PIAS4: variants seen among roughly 807,000 people sequenced by gnomAD.
The protein encoded by PIAS4 is E3 SUMO-protein ligase PIAS4.
A neutral mutation model predicts 58.0 loss-of-function variants in PIAS4; 7 were observed. The observed-to-expected ratio is 0.12, with a 90% CI of 0.07 to 0.23. The LOEUF is 0.23. Ranked by LOEUF, PIAS4 falls within the 10% of genes least tolerant of loss-of-function variation. The pLI, the probability that PIAS4 is intolerant of heterozygous loss-of-function variation, is 1.00. For missense variants in PIAS4, 550 were observed against 709.5 expected (o/e 0.78, Z 2.55); for synonymous variants, 364 against 312.4 (o/e 1.17, Z -1.74).
Position 4,037,757 on chromosome 19 carries a change from G to T in PIAS4, c.1415G>T (p.Ser472Ile). 1 of 1,609,490 alleles carries T rather than the reference G, an allele frequency of 6.2e-7. No individual in the cohort carries two copies. The highest frequency in any genetic ancestry group is 8.5e-7 in the Non-Finnish European group (1 of 1,178,486). The stretch of plus-strand genomic sequence containing the variant: ...GATGTGGTGGACCTCACGCTGGACA[G>T]CTCATCGTCCTCGGAGGATGAGGAG... ...GADVVDLTLD[S>I]SSSSEDEEEE... Residue 472 changes from serine to isoleucine, a missense_variant, in exon 11 of 11, where the codon AGC becomes ATC. This residue lies in a region of PIAS4 where 188 missense variants were observed against 192.0 expected (regional missense o/e 0.98). Coordinates refer to ENST00000262971, the MANE Select transcript of PIAS4 (RefSeq NM_015897.4). This position sits in a 1 kb window ranked among gnomAD's most constrained non-coding sequence, Gnocchi z 5.8.
intron 7 of PIAS4, among the ~76,000 whole-genome samples, chr19:4,031,897 G>A (rs888375865): frequency 1.3e-5 from 2 of 152,206 alleles, no homozygotes; most frequent in Admixed American, 6.5e-5. Flanking sequence ...CTGCCCCTTT[G>A]CCAGGCTTGA....
In PIAS4 at chr19:4,017,459, C is replaced by T. The variant is rs1349361103; in HGVS notation, c.454+4110C>T. The stretch of plus-strand genomic sequence containing the variant: ...CTGTGCCTAGCCAGGGGCACCTGTT[C>T]CCCGCCCCTCCAGGACAGTGCCCCC... On this transcript the variant is annotated intron_variant, in intron 2 of 10. Coordinates refer to ENST00000262971, the MANE Select transcript of PIAS4 (RefSeq NM_015897.4). Among the ~76,000 whole-genome samples the T allele has an allele frequency of 2.6e-5, 4 of 152,180 alleles. No homozygotes were observed. In the East Asian group the frequency reaches 7.7e-4, roughly 29 times the overall value.
intron 3 of PIAS4, among the ~76,000 whole-genome samples, chr19:4,025,387 G>A (rs1291700276): frequency 6.6e-6 from 1 of 152,262 alleles, no homozygotes; most frequent in African/African-American, 2.4e-5. Context: ...CTCCAGCTGA[G>A]ACAGATTCCT....
intron 7 of PIAS4, among the ~76,000 whole-genome samples, chr19:4,029,929 T>G (rs2040206730): frequency 6.6e-6 from 1 of 150,970 alleles, no homozygotes; most frequent in South Asian, 2.1e-4. Flanking sequence ...TTCAAGCGAT[T>G]CTTCTGCCTC....
At chr19:4,016,999 C>G (rs369909759) in intron 2 of PIAS4, among the ~76,000 whole-genome samples, 1 of 152,144 alleles carries the variant, frequency 6.6e-6, no homozygotes, top group Non-Finnish European at 1.5e-5. Context: ...GGCAAGTGGC[C>G]GTCTGCCTTC....
chr19:4,019,950 G>C (rs1427117342), intron 2 of PIAS4, among the ~76,000 whole-genome samples: 1 of 150,528 alleles, frequency 6.6e-6, no homozygotes, highest in East Asian at 2.0e-4. Flanking sequence ...ATGGAGTCTC[G>C]CTGTCGCCCG....
At chr19:4,029,281 C>T (rs916185795) in intron 7 of PIAS4, among the ~76,000 whole-genome samples, 2 of 152,132 alleles carry the variant, frequency 1.3e-5, no homozygotes, top group Non-Finnish European at 2.9e-5. Flanking sequence ...GTGTTGCTGG[C>T]CCCAGGTGCT....
rs765784737 is a variant in PIAS4, at chr19:4,013,343, G to A, written c.448G>A (p.Glu150Lys). Residue 150 changes from glutamate to lysine, a missense_variant, in exon 2 of 11, where the codon GAA becomes AAA. Glu to Lys is a moderately conservative substitution (Grantham distance 56). This residue lies in a region of PIAS4 where 225 missense variants were observed against 345.8 expected (regional missense o/e 0.65). Coordinates refer to ENST00000262971, the MANE Select transcript of PIAS4 (RefSeq NM_015897.4). The surrounding 1 kb of genome is among the most constrained non-coding windows in gnomAD (Gnocchi z 5.1). ...GCTGGATGAGCTGCTGAAGCCCACC[G>A]AATTAGGTGAGTGGTCACCCTGGGG... ...NMLDELLKPT[E>K]LVPQNNEKLQ... is the part of the protein sequence containing the mutation. 2.0e-5 allele frequency: 33 copies of A among 1,611,428 alleles called. No individual in the cohort carries two copies. The highest frequency in any genetic ancestry group is 2.5e-5 in the Non-Finnish European group (30 of 1,178,818).
chr19:4,036,876 CCA>C (rs2040301803), intron 9 of PIAS4, among the ~76,000 whole-genome samples: 1 of 152,024 alleles, frequency 6.6e-6, no homozygotes, highest in Non-Finnish European at 1.5e-5. Context: ...TCCATACAGT[CCA>C]CATTCACGTA....
intron 2 of PIAS4, among the ~76,000 whole-genome samples, chr19:4,014,286 G>C (rs1165376496): frequency 6.6e-6 from 1 of 152,196 alleles, no homozygotes; most frequent in Non-Finnish European, 1.5e-5. Context: ...AGTGTGGACA[G>C]GCCCCTGGTG....
At chr19:4,028,269 C>A in intron 4 of PIAS4, 82 bp downstream of exon 4, 1 of 1,195,222 alleles carries the variant, frequency 8.4e-7, no homozygotes, top group Non-Finnish European at 1.2e-6. Context: ...GGCCCAGGCC[C>A]TTCTCAGTCT....
rs1003675807 is a variant in PIAS4 at position 4,020,498 on chromosome 19, C to T, written c.455-3538C>T. On this transcript the variant is annotated intron_variant, in intron 2 of 10. Coordinates refer to ENST00000262971, the MANE Select transcript of PIAS4 (RefSeq NM_015897.4). ...CTGCCATTGTGGCCAGATTCTCGCT[C>T]CCCCACGCTCTTCCGATATTTTTTA... Among the ~76,000 whole-genome samples, 13 of 150,914 alleles carry T rather than the reference C, an allele frequency of 8.6e-5. 1 individual carries two copies. Among genetic ancestry groups the T allele is most frequent in the Admixed American group, 8.6e-4 (13 of 15,184 alleles).
intron 9 of PIAS4, among the ~76,000 whole-genome samples, chr19:4,035,027 A>G (rs1167345931): frequency 3.9e-5 from 6 of 152,044 alleles, no homozygotes; most frequent in Admixed American, 3.9e-4. Context: ...GAGGAGGAAG[A>G]GAAGCTGTGG....
In PIAS4 at chr19:4,037,518, C is replaced by G; in HGVS notation, c.1273+14C>G. The stretch of plus-strand genomic sequence containing the variant: ...TCCTCGTGCTGGGTGAGTGCCTCAC[C>G]CCACCAGCCGCGCAGTCCGCAGCCA... On this transcript the variant is annotated intron_variant, in intron 10 of 10. Coordinates refer to ENST00000262971, the MANE Select transcript of PIAS4 (RefSeq NM_015897.4). The surrounding 1 kb of genome is among the most constrained non-coding windows in gnomAD (Gnocchi z 5.8). 6.2e-7 allele frequency: 1 copy of G among 1,609,292 alleles called. No homozygotes were observed. Among genetic ancestry groups the G allele is most frequent in the Non-Finnish European group, 8.5e-7 (1 of 1,179,506 alleles).
rs1196275156 is a variant in PIAS4, at chr19:4,013,375, C to CCTCT, written c.454+26_454+27insCTCT. 6.3e-7 allele frequency: 1 copy of CCTCT among 1,584,520 alleles called. No homozygotes were observed. The highest frequency in any genetic ancestry group is 8.6e-7 in the Non-Finnish European group (1 of 1,159,898). ...GTGAGTGGTCACCCTGGGGAGGCTGCGACTGGAGGCTTCACCTAGGCCCCG... is the reference window on the plus strand; with the variant it reads ...GTGAGTGGTCACCCTGGGGAGGCTGCCTCTGACTGGAGGCTTCACCTAGGCCCCG... On this transcript the variant is annotated intron_variant, in intron 2 of 10. Transcript: ENST00000262971. The surrounding 1 kb of genome is among the most constrained non-coding windows in gnomAD (Gnocchi z 5.1).
chr19:4,012,762 G>A (rs1473044855), intron 1 of PIAS4, among the ~76,000 whole-genome samples, 161 bp from the exon 2 acceptor site: 1 of 152,048 alleles, frequency 6.6e-6, no homozygotes. Context: ...TTGCTGGGAG[G>A]GGGCACCGTA....
At chr19:4,012,028 T>G (rs1468469342) in intron 1 of PIAS4, among the ~76,000 whole-genome samples, 20 of 108,290 alleles carry the variant, frequency 1.8e-4, no homozygotes, top group South Asian at 3.5e-4. Flanking sequence ...TGGAGGTGTG[T>G]GGGGTGTGGA....
At position 4,039,247 on chromosome 19, in the gene PIAS4, TCA is replaced by T. The variant is rs148023396; in HGVS notation, c.*1374_*1375del. On this transcript the variant is annotated 3_prime_UTR_variant, in exon 11 of 11. Transcript: ENST00000262971. Reference sequence around the variant, plus strand: ...GCATCTGGCCGAGGGCAGTTCAGTCTCACTGCAGAGCCCGCAGCCCGCTGCGC... The same window carrying T: ...GCATCTGGCCGAGGGCAGTTCAGTCTCTGCAGAGCCCGCAGCCCGCTGCGC... The T allele has an allele frequency of 0.28, 41,928 of 152,228 alleles. 8,518 individuals are homozygous for T. The highest frequency in any genetic ancestry group is 0.58 in the African/African-American group (24,143 of 41,474). 9.4% of individuals were successfully genotyped at this position (152,228 alleles called of 1,614,324 possible).
rs146034709 is a variant in PIAS4, at chr19:4,013,153, G to A, written c.258G>A (p.Met86Ile). ...ACCGGCCCCTGGACCCCCTGACCAT[G>A]CACTCCACCTACGACCGGGCCGGCG... ...QPHRPLDPLT[M>I]HSTYDRAGAV... Residue 86 changes from methionine (M) to isoleucine (I), a missense_variant, in exon 2 of 11, where the codon ATG (methionine) becomes ATA (isoleucine). Met to Ile is a conservative substitution (Grantham distance 10, BLOSUM62 1). Coordinates refer to ENST00000262971, the MANE Select transcript of PIAS4 (RefSeq NM_015897.4). This position sits in a 1 kb window ranked among gnomAD's most constrained non-coding sequence, Gnocchi z 5.1. 127 of 1,613,328 alleles carry A rather than the reference G, an allele frequency of 7.9e-5. No homozygotes were observed. The highest frequency in any genetic ancestry group is 1.1e-4 in the Non-Finnish European group (127 of 1,180,018).
Sources: allele counts gnomAD v4.1 joint callset (sites outside exome capture counted in the v4.1 genomes callset), GRCh38; gene constraint gnomAD v4.1.1; regional missense constraint gnomAD v4.1.1; non-coding constraint Gnocchi (gnomAD v3.1); transcripts MANE v1.5; gene names NCBI Gene and HGNC (gene_info 2026-07-23, HGNC 2026-07-21).